The following PSD2 variants were observed in gnomAD, a reference collection of about 807,000 sequenced individuals.
PSD2 encodes pleckstrin and Sec7 domain containing 2.
PSD2 carries 38 observed loss-of-function variants against 69.8 expected under a neutral mutation model. That is an observed-to-expected ratio of 0.54 (90% CI 0.42 to 0.71). The LOEUF is 0.71. PSD2 is among the 30% of genes least tolerant of loss of function. The pLI, the probability that PSD2 is intolerant of heterozygous loss-of-function variation, is 0.00. For synonymous variants in PSD2, 412 were observed against 423.0 expected, an observed-to-expected ratio of 0.97 and a Z score of 0.32; for missense variants, 943 against 1,014.5, an observed-to-expected ratio of 0.93 and a Z score of 0.96.
At chr5:139,805,886 G>C (rs1670590632) in intron 1 of PSD2, among the ~76,000 whole-genome samples, 1 of 152,142 alleles carries the variant, frequency 6.6e-6, no homozygotes, top group Non-Finnish European at 1.5e-5. Flanking sequence ...ATCTAGGGGA[G>C]ATGGTTAGAG....
rs554998002 is a variant in PSD2, at chr5:139,822,840, G to A, written c.1269+56G>A. ...ATGTCCTCTCAGGGACCCACCTTGT[G>A]TTGATCCCGGCCCCTTCCTGAGATC... On this transcript the variant is annotated intron_variant, in intron 7 of 14. Coordinates refer to ENST00000274710, the MANE Select transcript of PSD2 (RefSeq NM_032289.4). 79 of 1,474,586 alleles carry A rather than the reference G, an allele frequency of 5.4e-5. 2 individuals carry two copies. The East Asian group carries it at 1.7e-3, about 31-fold the overall frequency. The allele number at this position is 1,474,586 out of a possible 1,614,324, so 91.3% of individuals were successfully genotyped here.
chr5:139,806,419 A>G (rs566341718), intron 1 of PSD2, among the ~76,000 whole-genome samples: 2 of 152,330 alleles, frequency 1.3e-5, no homozygotes, highest in Admixed American at 1.3e-4. Context: ...CTGCAGAGGG[A>G]GGCTACTCCT....
the PSD2 span, among the ~76,000 whole-genome samples, chr5:139,749,418 G>A: frequency 2.0e-5 from 3 of 152,342 alleles, no homozygotes; most frequent in Non-Finnish European, 4.4e-5. Context: ...AAACAAAGCA[G>A]TAATAGTAGC....
At position 139,814,769 on chromosome 5, in the gene PSD2, C is replaced by A. The variant is rs1370700685; in HGVS notation, c.1016+405C>A. 1.3e-5 allele frequency among the ~76,000 whole-genome samples: 2 copies of A among 152,080 alleles called. No homozygotes were observed. Among genetic ancestry groups the A allele is most frequent in the East Asian group, 3.9e-4 (2 of 5,164 alleles). The stretch of plus-strand genomic sequence containing the variant: ...CCAGAGCTCAGGAAAGGGCTCCTGG[C>A]CTTCATTAAGCCCTACTATCTATTG... On this transcript the variant is annotated intron_variant, in intron 4 of 14. Transcript: ENST00000274710. This position sits in a 1 kb window ranked among gnomAD's most constrained non-coding sequence, Gnocchi z 4.4.
intron 14 of PSD2, 151 bp downstream of exon 14, chr5:139,840,321 TC>T: frequency 1.2e-6 from 1 of 828,490 alleles, no homozygotes; most frequent in Non-Finnish European, 1.9e-6. Context: ...TGACCTTTAG[TC>T]CCCAGTCCTT....
At chr5:139,774,772 G>A in the PSD2 span, among the ~76,000 whole-genome samples, 3 of 152,186 alleles carry the variant, frequency 2.0e-5, no homozygotes, top group East Asian at 3.9e-4. Context: ...TTACAGGCGT[G>A]AGCCACTGCG....
At chr5:139,755,797 G>C in the PSD2 span, among the ~76,000 whole-genome samples, 1 of 152,092 alleles carries the variant, frequency 6.6e-6, no homozygotes, top group African/African-American at 2.4e-5. Context: ...GACACACCGT[G>C]TGCGTGACTA....
chr5:139,784,573 C>A, the PSD2 span, among the ~76,000 whole-genome samples: 5 of 152,288 alleles, frequency 3.3e-5, 1 homozygote, highest in Admixed American at 3.3e-4. Flanking sequence ...CTCATCATGG[C>A]CTACAACGCC....
At chr5:139,798,212 G>C (rs2126921343) in intron 1 of PSD2, among the ~76,000 whole-genome samples, 1 of 152,334 alleles carries the variant, frequency 6.6e-6, no homozygotes, top group African/African-American at 2.4e-5. Context: ...GGCCAGACCT[G>C]GCTCCTTGCC....
chr5:139,779,183 TGA>T, the PSD2 span, among the ~76,000 whole-genome samples: 1 of 152,154 alleles, frequency 6.6e-6, no homozygotes, highest in African/African-American at 2.4e-5. Flanking sequence ...TTTGGTTACA[TGA>T]GTCAGTTCTT....
the PSD2 span, among the ~76,000 whole-genome samples, chr5:139,747,596 G>A: frequency 6.6e-6 from 1 of 152,246 alleles, no homozygotes; most frequent in Admixed American, 6.5e-5. The surrounding 1 kb of genome is among the most constrained non-coding windows in gnomAD (Gnocchi z 6.7). Context: ...TGGCGAGGCG[G>A]GTGCCCAAAG....
At chr5:139,820,923 G>A (rs1760242771) in intron 5 of PSD2, among the ~76,000 whole-genome samples, 1 of 147,920 alleles carries the variant, frequency 6.8e-6, no homozygotes, top group South Asian at 2.2e-4. Context: ...GGGTGCCAAG[G>A]GGCCAGAGGT....
the PSD2 span, among the ~76,000 whole-genome samples, chr5:139,754,316 C>T: frequency 6.6e-6 from 1 of 151,936 alleles, no homozygotes; most frequent in Admixed American, 6.5e-5. Flanking sequence ...TCTGTACTCC[C>T]AGCTACTTGG....
the PSD2 span, among the ~76,000 whole-genome samples, chr5:139,760,390 G>A: frequency 1.3e-5 from 2 of 152,090 alleles, no homozygotes; most frequent in African/African-American, 4.8e-5. Context: ...GTGTGCTCAC[G>A]GGGGACCCAC....
At chr5:139,780,282 G>A in the PSD2 span, among the ~76,000 whole-genome samples, 1 of 152,202 alleles carries the variant, frequency 6.6e-6, no homozygotes, top group Admixed American at 6.5e-5. Flanking sequence ...GTTGGCTGCA[G>A]TTGACCTGGC....
At position 139,809,437 on chromosome 5, in the gene PSD2, T is replaced by A. The variant is rs377761307; in HGVS notation, c.-4T>A. 2 of 1,609,600 alleles carry A rather than the reference T, an allele frequency of 1.2e-6. No individual in the cohort carries two copies. Among genetic ancestry groups the A allele is most frequent in the African/African-American group, 2.7e-5 (2 of 74,818 alleles). ...AGCCAGGACAGGCGGAAGCAGTGGC[T>A]GCCATGGAGGAGGACAAGCTCTTAT... On this transcript the variant is annotated 5_prime_UTR_variant, in exon 2 of 15. Transcript: ENST00000274710.
intron 14 of PSD2, among the ~76,000 whole-genome samples, chr5:139,840,535 A>G (rs968064729): frequency 6.6e-6 from 1 of 151,894 alleles, no homozygotes; most frequent in Non-Finnish European, 1.5e-5. Context: ...AGGTTTAACA[A>G]TTAGTATCTC....
At chr5:139,819,196 G>A (rs1388723826) in intron 5 of PSD2, among the ~76,000 whole-genome samples, 1 of 152,202 alleles carries the variant, frequency 6.6e-6, no homozygotes, top group African/African-American at 2.4e-5. Context: ...CCTTTGCTAG[G>A]CAGTTAGAAG....
At chr5:139,756,252 C>T in the PSD2 span, among the ~76,000 whole-genome samples, 2 of 152,232 alleles carry the variant, frequency 1.3e-5, no homozygotes, top group South Asian at 2.1e-4. Context: ...GTCTGCCGCG[C>T]CTCCCGCCAT....
Sources: gnomAD v4.1 joint callset for allele counts (sites outside exome capture counted in the v4.1 genomes callset) on GRCh38, gnomAD v4.1.1 for gene constraint, Gnocchi (gnomAD v3.1) non-coding constraint, MANE v1.5 for transcripts, NCBI Gene and HGNC (gene_info 2026-07-23, HGNC 2026-07-21) for gene names.